SP100: variants seen among roughly 807,000 people sequenced by gnomAD.
The protein encoded by SP100 is SP100 nuclear body protein, also known as nuclear autoantigen Sp-100.
Under a neutral mutation model 130.0 loss-of-function variants are expected in SP100, and 84 were observed. That is an observed-to-expected ratio of 0.65 (90% CI 0.54 to 0.77). The LOEUF (loss-of-function observed/expected upper bound fraction) is 0.77. SP100 is among the 30% of genes least tolerant of loss of function. The pLI, the probability that SP100 is intolerant of heterozygous loss-of-function variation, is 0.00. For synonymous variants in SP100, 331 were observed against 351.7 expected (o/e 0.94, Z 0.66); for missense variants, 978 against 1,052.2 (o/e 0.93, Z 0.97).
chr2:230,522,789 C>T (rs36090545), intron 24 of SP100, among the ~76,000 whole-genome samples: 4,876 of 151,566 alleles, frequency 0.032, 110 homozygotes, highest in Non-Finnish European at 0.05. Context: ...GCACCCAGCC[C>T]CAGTGTTCTA....
Position 230,541,904 on chromosome 2 carries a change from T to A in SP100, c.2416T>A (p.Ser806Thr). 1 of 1,613,812 alleles carries A rather than the reference T, an allele frequency of 6.2e-7. No individual in the cohort carries two copies. The highest frequency in any genetic ancestry group is 8.5e-7 in the Non-Finnish European group (1 of 1,179,914). ...TTTTACTCAACAGAACAGAGAGGGGTCTCAGGGCCCACAGAAGCCCATGTG... is the reference window on the plus strand; with the variant it reads ...TTTTACTCAACAGAACAGAGAGGGGACTCAGGGCCCACAGAAGCCCATGTG... ...ASEPYYNREG[S>T]QGPQKPMWLN... Residue 806 changes from serine (S) to threonine (T), a missense_variant, in exon 28 of 29, where the codon TCT becomes ACT. By Grantham distance (58) the Ser-to-Thr change is moderately conservative. Transcript: ENST00000340126.
In SP100 at chr2:230,434,626, G is replaced by T. The variant is rs1433612877; in HGVS notation, c.108-8311G>T. On this transcript the variant is annotated intron_variant, in intron 2 of 28. Coordinates refer to ENST00000340126, the MANE Select transcript of SP100 (RefSeq NM_001080391.2). ...AAAAAAAAATAGAGGCAGATTAGGA[G>T]CTTGGGAGTGTGGGGGCAGGCTAAG... Among the ~76,000 whole-genome samples the T allele has an allele frequency of 2.6e-5, 4 of 152,136 alleles. No homozygotes were observed. In the South Asian group the frequency reaches 6.2e-4, roughly 24 times the overall value.
At chr2:230,536,230 G>T (rs1042548181) in intron 24 of SP100, among the ~76,000 whole-genome samples, 1 of 152,018 alleles carries the variant, frequency 6.6e-6, no homozygotes, top group Non-Finnish European at 1.5e-5. Context: ...TTGATTTTTG[G>T]GTGGCTATGT....
At chr2:230,490,730 TC>T (rs2066346995) in intron 17 of SP100, among the ~76,000 whole-genome samples, 1 of 152,200 alleles carries the variant, frequency 6.6e-6, no homozygotes, top group Admixed American at 6.5e-5. Flanking sequence ...AGGATTTTAT[TC>T]CCCCTTCACT....
intron 2 of SP100, among the ~76,000 whole-genome samples, chr2:230,428,504 G>A (rs193107560): frequency 1.2e-3 from 188 of 151,196 alleles, no homozygotes; most frequent in Non-Finnish European, 1.8e-3. Context: ...GTGCGGTGGC[G>A]CGATCTCAGC....
chr2:230,464,379 A>G (rs960346586), intron 11 of SP100, among the ~76,000 whole-genome samples: 3 of 152,244 alleles, frequency 2.0e-5, no homozygotes, highest in African/African-American at 7.2e-5. Context: ...CGATTGATAC[A>G]TTGAAAATGT....
chr2:230,494,268 A>T (rs1407426644), intron 17 of SP100, 148 bp from the exon 18 acceptor site: 2 of 671,986 alleles, frequency 3.0e-6, no homozygotes, highest in Non-Finnish European at 5.3e-6. Context: ...CGTGACAACA[A>T]CCAAGATGGG....
intron 8 of SP100, among the ~76,000 whole-genome samples, chr2:230,456,927 G>A (rs1352739748): frequency 2.0e-5 from 3 of 152,194 alleles, no homozygotes; most frequent in African/African-American, 4.8e-5. Context: ...TTTGGGGTCT[G>A]CTATGGGGAG....
intron 2 of SP100, among the ~76,000 whole-genome samples, chr2:230,438,407 T>C (rs943365098): frequency 1.3e-5 from 2 of 152,084 alleles, no homozygotes; most frequent in African/African-American, 2.4e-5. Flanking sequence ...CAATGTGTAT[T>C]CTTTTATCTG....
chr2:230,505,633 A>G (rs572189794), intron 21 of SP100, among the ~76,000 whole-genome samples: 1 of 152,312 alleles, frequency 6.6e-6, no homozygotes, highest in South Asian at 2.1e-4. Flanking sequence ...TACAGAACTA[A>G]TGTTCATCTG....
At chr2:230,440,453 A>T in intron 2 of SP100, 1 of 888,350 alleles carries the variant, frequency 1.1e-6, no homozygotes, top group Non-Finnish European at 1.5e-6. Context: ...AATTTAATTA[A>T]ATTAAATTTT....
chr2:230,477,927 C>T, intron 17 of SP100, among the ~76,000 whole-genome samples: 1 of 130,460 alleles, frequency 7.7e-6, no homozygotes. Flanking sequence ...AGAACAAGAC[C>T]CTGTCTCAAA....
At chr2:230,447,655 G>A (rs1027767497) in intron 5 of SP100, among the ~76,000 whole-genome samples, 1 of 152,042 alleles carries the variant, frequency 6.6e-6, no homozygotes, top group Non-Finnish European at 1.5e-5. Flanking sequence ...AAATGCATAG[G>A]GCAAAGCGTG....
chr2:230,475,857 G>A (rs890099744), intron 17 of SP100, among the ~76,000 whole-genome samples: 2 of 152,018 alleles, frequency 1.3e-5, no homozygotes, highest in Admixed American at 1.3e-4. Flanking sequence ...AAGTGAGCAG[G>A]TTTGTTTCTG....
intron 17 of SP100, among the ~76,000 whole-genome samples, chr2:230,491,875 T>G (rs1173789133): frequency 6.6e-6 from 1 of 152,212 alleles, no homozygotes; most frequent in Non-Finnish European, 1.5e-5. Context: ...GCAGAAGATA[T>G]GTGAGCCACC....
chr2:230,519,935 C>A (rs938685353), intron 24 of SP100, among the ~76,000 whole-genome samples: 2 of 152,148 alleles, frequency 1.3e-5, no homozygotes, highest in Non-Finnish European at 2.9e-5. Context: ...CACATCAAAC[C>A]AGCTGGTGCT....
At chr2:230,508,055 C>T (rs1391980932) in intron 23 of SP100, 24 bp downstream of exon 23, 5 of 1,612,352 alleles carry the variant, frequency 3.1e-6, no homozygotes, top group African/African-American at 1.3e-5. Flanking sequence ...GATCTTCTGC[C>T]AATGTCTCGT....
chr2:230,532,805 T>C (rs773836235), intron 24 of SP100, among the ~76,000 whole-genome samples: 17 of 152,152 alleles, frequency 1.1e-4, no homozygotes, highest in Non-Finnish European at 2.4e-4. Flanking sequence ...TTTTGAGACG[T>C]AGTCTCGCTC....
chr2:230,545,219 T>C lies in SP100; in HGVS notation c.*2273T>C, dbSNP rs1692274664. On this transcript the variant is annotated 3_prime_UTR_variant, in exon 29 of 29. Transcript: ENST00000340126. The stretch of plus-strand genomic sequence containing the variant: ...AGTAACAGATTGGATAAAGAAAATA[T>C]GGTACACATACACCATGGAATAGTA... Among the ~76,000 whole-genome samples the C allele has an allele frequency of 6.6e-6, 1 of 152,208 alleles. No individual in the cohort carries two copies.
Sources: allele counts gnomAD v4.1 joint callset (sites outside exome capture counted in the v4.1 genomes callset), GRCh38; gene constraint gnomAD v4.1.1; transcripts MANE v1.5; gene names NCBI Gene and HGNC (gene_info 2026-07-23, HGNC 2026-07-21).